The following FBXO45 variants were observed in gnomAD, a reference collection of about 807,000 sequenced individuals.
The protein encoded by FBXO45 is F-box/SPRY domain-containing protein 1.
A neutral mutation model predicts 25.5 loss-of-function variants in FBXO45; 3 were observed. The ratio of observed to expected loss-of-function variants is 0.12; its 90% confidence interval spans 0.05 to 0.30. FBXO45 has a LOEUF of 0.30. FBXO45 is among the 10% of genes least tolerant of loss of function. FBXO45 has a pLI of 1.00. For missense variants in FBXO45, 219 were observed against 365.0 expected (o/e 0.60, Z 3.26); for synonymous variants, 155 against 149.8 (o/e 1.03, Z -0.25).
intron 2 of FBXO45, among the ~76,000 whole-genome samples, chr3:196,578,762 T>C (rs1037863038): frequency 6.6e-6 from 1 of 152,220 alleles, no homozygotes; most frequent in Non-Finnish European, 1.5e-5. Flanking sequence ...CAATGCAAAT[T>C]CATAAACTTT....
rs1251268416 is a variant in FBXO45 at position 196,586,263 on chromosome 3, G to T, written c.*1945G>T. 1 of 152,058 alleles carries T rather than the reference G, an allele frequency of 6.6e-6. No homozygotes were observed. The highest frequency in any genetic ancestry group is 1.5e-5 in the Non-Finnish European group (1 of 68,002). The allele number at this position is 152,058 out of a possible 1,614,324, so 9.4% of individuals were successfully genotyped here. ...TTGTTTCTTTTTCAGGTTGTGATGT[G>T]GCCATTCCGAATTTTGTTGAGAGTT... is the stretch of plus-strand genomic sequence containing the variant. On this transcript the variant is annotated 3_prime_UTR_variant, in exon 3 of 3. Transcript: ENST00000311630.
At position 196,577,938 on chromosome 3, in the gene FBXO45, T is replaced by G. The variant is rs563576875; in HGVS notation, c.675+129T>G. On this transcript the variant is annotated intron_variant, in intron 2 of 2. Transcript: ENST00000311630. ...ATTTTTATTTTTATTATTTTTTTAT[T>G]TTTTCAGATACCCAGACTTCAAGGA... 14 of 530,258 alleles carry G rather than the reference T, an allele frequency of 2.6e-5. No homozygotes were observed. The African/African-American group carries it at 2.7e-4, about 10-fold the overall frequency. 32.8% of individuals were successfully genotyped at this position (530,258 alleles called of 1,614,324 possible).
Position 196,583,575 on chromosome 3 carries a change from C to G in FBXO45, c.676-558C>G, listed in dbSNP as rs533526156. Among the ~76,000 whole-genome samples the G allele has an allele frequency of 6.2e-4, 94 of 151,434 alleles. 3 individuals are homozygous for G. Among genetic ancestry groups the G allele is most frequent in the Non-Finnish European group, 4.6e-4 (31 of 67,944 alleles). ...ATTTGAGAAGCTGATTTAGATTGCTCTTTTTGGTAAAATATGCCAAGTTAT... is the reference window on the plus strand; with the variant it reads ...ATTTGAGAAGCTGATTTAGATTGCTGTTTTTGGTAAAATATGCCAAGTTAT... On this transcript the variant is annotated intron_variant, in intron 2 of 2. Transcript: ENST00000311630.
At chr3:196,577,391 A>C (rs1274056221) in intron 1 of FBXO45, 62 bp from the exon 2 acceptor site, 1 of 1,256,886 alleles carries the variant, frequency 8.0e-7, no homozygotes, top group Non-Finnish European at 1.1e-6. Flanking sequence ...AAGTTTGGGT[A>C]ATTTTTAATA....
rs994907388 is a variant in FBXO45, at chr3:196,586,478, A to G, written c.*2160A>G. 2 of 152,232 alleles carry G rather than the reference A, an allele frequency of 1.3e-5. No homozygotes were observed. The highest frequency in any genetic ancestry group is 4.8e-5 in the African/African-American group (2 of 41,452). The allele number at this position is 152,232 out of a possible 1,614,324, so 9.4% of individuals were successfully genotyped here. A position where few individuals can be genotyped will look rare whatever the true frequency, so the allele number is the denominator to read the frequency against. Reference sequence around the variant, plus strand: ...TTCCCGAATGTCCCATTCGCAAATCATATGCAATTGAAGTGAGCAGCATGA... The same window carrying G: ...TTCCCGAATGTCCCATTCGCAAATCGTATGCAATTGAAGTGAGCAGCATGA... On this transcript the variant is annotated 3_prime_UTR_variant, in exon 3 of 3. Coordinates refer to ENST00000311630, the MANE Select transcript of FBXO45 (RefSeq NM_001105573.2).
intron 2 of FBXO45, among the ~76,000 whole-genome samples, chr3:196,581,189 C>G (rs1368360066): frequency 1.5e-5 from 2 of 136,458 alleles, no homozygotes; most frequent in African/African-American, 5.4e-5. Flanking sequence ...TTATTGTACA[C>G]TTCAGCTTTA....
At position 196,573,311 on chromosome 3, in the gene FBXO45, T is replaced by G. The variant is rs1054684605; in HGVS notation, c.318+4009T>G. Among the ~76,000 whole-genome samples, 8 of 152,094 alleles carry G rather than the reference T, an allele frequency of 5.3e-5. 1 individual carries two copies. The highest frequency in any genetic ancestry group is 1.9e-4 in the African/African-American group (8 of 41,484). ...AGTTAGATTGAATGAAAGGAAGTAGTGGGAAATATTATAAAGCTATATTAT... is the reference window on the plus strand; with the variant it reads ...AGTTAGATTGAATGAAAGGAAGTAGGGGGAAATATTATAAAGCTATATTAT... On this transcript the variant is annotated intron_variant, in intron 1 of 2. Coordinates refer to ENST00000311630, the MANE Select transcript of FBXO45 (RefSeq NM_001105573.2).
At chr3:196,570,531 G>A (rs772729411) in intron 1 of FBXO45, among the ~76,000 whole-genome samples, 31 of 151,382 alleles carry the variant, frequency 2.0e-4, no homozygotes, top group Non-Finnish European at 2.9e-4. Flanking sequence ...GCCACCGCGC[G>A]ATAACACCCC....
At chr3:196,582,902 ATTATT>A (rs2108729291) in intron 2 of FBXO45, among the ~76,000 whole-genome samples, 1 of 152,328 alleles carries the variant, frequency 6.6e-6, no homozygotes, top group East Asian at 1.9e-4. Context: ...ATACATATTT[ATTATT>A]TTAACCATTT....
chr3:196,574,611 A>G (rs914257010), intron 1 of FBXO45, among the ~76,000 whole-genome samples: 3 of 151,994 alleles, frequency 2.0e-5, no homozygotes, highest in African/African-American at 2.4e-5. Context: ...TCTGTCCTCT[A>G]TTTCCTACTG....
Position 196,580,836 on chromosome 3 carries a change from G to A in FBXO45, c.675+3027G>A, listed in dbSNP as rs571094338. Among the ~76,000 whole-genome samples, 220 of 151,616 alleles carry A rather than the reference G, an allele frequency of 1.5e-3. 3 individuals are homozygous for A. Among genetic ancestry groups the A allele is most frequent in the African/African-American group, 4.9e-3 (203 of 41,414 alleles). ...ACCTCGGCTGGAGTGGTGCAGTGGT[G>A]CAGTGGCGTGATGATCTTGGCTCAC... On this transcript the variant is annotated intron_variant, in intron 2 of 2. Transcript: ENST00000311630.
chr3:196,575,473 GAA>G (rs1271540285), intron 1 of FBXO45, among the ~76,000 whole-genome samples: 1 of 138,446 alleles, frequency 7.2e-6, no homozygotes, highest in Non-Finnish European at 1.6e-5. Context: ...AAAAAAAAAA[GAA>G]AAGGAAGTTT....
At chr3:196,573,639 A>G (rs1377510238) in intron 1 of FBXO45, among the ~76,000 whole-genome samples, 1 of 152,160 alleles carries the variant, frequency 6.6e-6, no homozygotes, top group African/African-American at 2.4e-5. Flanking sequence ...TGTCAAATGG[A>G]TTTTCCCAGG....
intron 2 of FBXO45, among the ~76,000 whole-genome samples, chr3:196,583,258 A>G (rs1198041342): frequency 6.6e-6 from 1 of 152,172 alleles, no homozygotes; most frequent in Non-Finnish European, 1.5e-5. Flanking sequence ...CTGTAATCCC[A>G]GCACTTTGGG....
intron 2 of FBXO45, among the ~76,000 whole-genome samples, chr3:196,581,361 G>C (rs1329508877): frequency 6.7e-6 from 1 of 148,808 alleles, no homozygotes; most frequent in Non-Finnish European, 1.5e-5. Flanking sequence ...CTCCTGAGTA[G>C]CTGGGACTAC....
chr3:196,584,006 C>T lies in FBXO45; in HGVS notation c.676-127C>T. 2.2e-6 allele frequency: 2 copies of T among 890,570 alleles called. No individual in the cohort carries two copies. The highest frequency in any genetic ancestry group is 1.7e-6 in the Non-Finnish European group (1 of 588,356). 55.2% of individuals were successfully genotyped at this position (890,570 alleles called of 1,614,324 possible). The stretch of plus-strand genomic sequence containing the variant: ...GTTTCTTCCTGACTAGAAAGCTTCC[C>T]TTCTGATTTTTCTAGATAGCTTTCA... On this transcript the variant is annotated intron_variant, in intron 2 of 2. Coordinates refer to ENST00000311630, the MANE Select transcript of FBXO45 (RefSeq NM_001105573.2). The surrounding 1 kb of genome is among the most constrained non-coding windows in gnomAD (Gnocchi z 4.3).
At chr3:196,570,189 T>A (rs1735776625) in intron 1 of FBXO45, among the ~76,000 whole-genome samples, 2 of 152,124 alleles carry the variant, frequency 1.3e-5, no homozygotes, top group Non-Finnish European at 2.9e-5. Context: ...AGATCATATA[T>A]AAGAGAAGAT....
chr3:196,569,064 G>T lies in FBXO45; in HGVS notation c.80G>T (p.Gly27Val). 3 of 1,302,346 alleles carry T rather than the reference G, an allele frequency of 2.3e-6. No homozygotes were observed. Among genetic ancestry groups the T allele is most frequent in the Non-Finnish European group, 2.0e-6 (2 of 1,006,488 alleles). The allele number at this position is 1,302,346 out of a possible 1,614,324, so 80.7% of individuals were successfully genotyped here. Residue 27 changes from glycine to valine, a missense_variant, in exon 1 of 3, where the codon GGC becomes GTC. Gly to Val is a moderately radical substitution (Grantham distance 109). This residue lies in a region of FBXO45 where 138 missense variants were observed against 157.3 expected (regional missense o/e 0.88). Transcript: ENST00000311630. This position sits in a 1 kb window ranked among gnomAD's most constrained non-coding sequence, Gnocchi z 4.1. ...GGCGGCGGCGCGGGCGCGGGCGCGG[G>T]CTCGGGCTCTGGGGCCGCGGGGGCC... is the stretch of plus-strand genomic sequence containing the variant. ...CSGGGAGAGA[G>V]SGSGAAGAGG...
Position 196,577,619 on chromosome 3 carries a change from A to T in FBXO45, c.485A>T (p.Glu162Val), listed in dbSNP as rs778928315. The T allele has an allele frequency of 6.2e-7, 1 of 1,613,804 alleles. No individual in the cohort carries two copies. Among genetic ancestry groups the T allele is most frequent in the Admixed American group, 1.7e-5 (1 of 59,966 alleles). Residue 162 changes from glutamate (E) to valine (V), a missense_variant, in exon 2 of 3, where the codon GAG becomes GTG. This residue lies in a region of FBXO45 where 31 missense variants were observed against 107.2 expected (regional missense o/e 0.29). Transcript: ENST00000311630. ...CGCCATGCATGGGAAGTGTGGTGGG[A>T]GGGCCCTCTGGGCACTGTGGCAGTG... is the stretch of plus-strand genomic sequence containing the variant. Reference protein sequence around the residue: ...EGRHAWEVWWEGPLGTVAVIG... With the variant: ...EGRHAWEVWWVGPLGTVAVIG...
Sources: gnomAD v4.1 joint callset for allele counts (sites outside exome capture counted in the v4.1 genomes callset) on GRCh38, gnomAD v4.1.1 for gene constraint, gnomAD v4.1.1 regional missense constraint, Gnocchi (gnomAD v3.1) non-coding constraint, MANE v1.5 for transcripts, NCBI Gene and HGNC (gene_info 2026-07-23, HGNC 2026-07-21) for gene names.